The following RGS6 variants were observed in gnomAD, a reference collection of about 807,000 sequenced individuals.
The protein encoded by RGS6 is regulator of G protein signaling 6.
RGS6 carries 30 observed loss-of-function variants against 78.5 expected under a neutral mutation model. The observed-to-expected ratio is 0.38, with a 90% confidence interval of 0.29 to 0.52. RGS6 has a LOEUF of 0.52. Among genes scored for constraint, RGS6 ranks in the 20% least tolerant of loss-of-function variants. The probability of loss-of-function intolerance (pLI) is 0.85; values close to 1 mark genes in which losing one functional copy is unlikely to be tolerated. For missense variants in RGS6, 495 were observed against 609.7 expected (o/e 0.81, Z 1.98); for synonymous variants, 206 against 206.0 (o/e 1.00, Z 0.00).
chr14:71,898,365 G>T, the RGS6 span, among the ~76,000 whole-genome samples: 4 of 152,110 alleles, frequency 2.6e-5, no homozygotes, highest in Non-Finnish European at 5.9e-5. Context: ...ATTGTTTGTT[G>T]GTCCTGGTGT....
intron 2 of RGS6, among the ~76,000 whole-genome samples, chr14:72,272,619 C>T (rs567429574): frequency 6.6e-5 from 10 of 152,170 alleles, no homozygotes; most frequent in African/African-American, 1.4e-4. Context: ...ATATACAGCT[C>T]GGTGTCTGTG....
At chr14:72,187,792 C>T (rs1038803012) in intron 2 of RGS6, among the ~76,000 whole-genome samples, 13 of 152,076 alleles carry the variant, frequency 8.5e-5, no homozygotes, top group Admixed American at 6.6e-4. Flanking sequence ...TCACAGTTTC[C>T]ATATTTGTGA....
the RGS6 span, among the ~76,000 whole-genome samples, chr14:71,924,657 T>C: frequency 1.3e-5 from 2 of 152,366 alleles, no homozygotes; most frequent in South Asian, 4.1e-4. Context: ...TTTTCCTTTC[T>C]ATGTGTAGCT....
chr14:72,625,070 C>T, the RGS6 span, among the ~76,000 whole-genome samples: 3 of 152,010 alleles, frequency 2.0e-5, no homozygotes, highest in African/African-American at 4.8e-5. Context: ...ATTATCTCCT[C>T]AACAAGAGAA....
At chr14:71,922,544 T>C in the RGS6 span, among the ~76,000 whole-genome samples, 2 of 152,352 alleles carry the variant, frequency 1.3e-5, no homozygotes, top group South Asian at 4.1e-4. Context: ...TACATAACCA[T>C]AGTACATTTG....
intron 3 of RGS6, among the ~76,000 whole-genome samples, chr14:72,360,528 A>G (rs1199897523): frequency 1.3e-5 from 2 of 151,526 alleles, no homozygotes; most frequent in African/African-American, 2.4e-5. Context: ...TCTCAAACAA[A>G]CAAACAAAAC....
At chr14:72,566,713 C>A (rs2097713146), downstream of RGS6, among the ~76,000 whole-genome samples, 1 of 149,188 alleles carries the variant, frequency 6.7e-6, no homozygotes, top group African/African-American at 2.5e-5. Flanking sequence ...ACCAGGCTGC[C>A]AGGCAGCACA....
chr14:72,058,280 T>C (rs2093719223), intron 2 of RGS6, among the ~76,000 whole-genome samples: 1 of 152,116 alleles, frequency 6.6e-6, no homozygotes, highest in Admixed American at 6.5e-5. Context: ...TGAGCATACA[T>C]TTTGAGGTAG....
intron 3 of RGS6, among the ~76,000 whole-genome samples, chr14:72,390,245 A>C (rs2089593600): frequency 6.6e-6 from 1 of 152,050 alleles, no homozygotes; most frequent in Non-Finnish European, 1.5e-5. Flanking sequence ...TTACAGATGC[A>C]TGCCACCACG....
chr14:72,270,953 C>T (rs961011874), intron 2 of RGS6, among the ~76,000 whole-genome samples: 1 of 152,122 alleles, frequency 6.6e-6, no homozygotes, highest in African/African-American at 2.4e-5. Flanking sequence ...ATTTATTGAC[C>T]ACCTACTATA....
the RGS6 span, among the ~76,000 whole-genome samples, chr14:71,911,967 T>A: frequency 7.7e-4 from 118 of 152,316 alleles, no homozygotes; most frequent in African/African-American, 2.7e-3. Context: ...CGTCCCATAT[T>A]CACTTTGGGG....
At chr14:72,136,182 C>T (rs1489468343) in intron 2 of RGS6, among the ~76,000 whole-genome samples, 1 of 152,098 alleles carries the variant, frequency 6.6e-6, no homozygotes, top group Non-Finnish European at 1.5e-5. Flanking sequence ...TAAGGAATTA[C>T]CCTGTTCTCT....
chr14:71,959,152 C>T (rs776279944), intron 1 of RGS6, among the ~76,000 whole-genome samples: 6 of 152,152 alleles, frequency 3.9e-5, no homozygotes, highest in Non-Finnish European at 7.3e-5. Flanking sequence ...GTCAAGTTGG[C>T]ATACTCTGCT....
chr14:72,608,956 A>C, the RGS6 span, among the ~76,000 whole-genome samples: 2 of 152,172 alleles, frequency 1.3e-5, no homozygotes, highest in African/African-American at 4.8e-5. Context: ...CCCCAACATG[A>C]AAGGGCTCTA....
chr14:72,578,528 A>G, the RGS6 span, among the ~76,000 whole-genome samples: 1 of 152,230 alleles, frequency 6.6e-6, no homozygotes, highest in Admixed American at 6.5e-5. Flanking sequence ...CTGCTTAAAA[A>G]CATCTCAGTG....
intron 3 of RGS6, among the ~76,000 whole-genome samples, chr14:72,408,052 A>C (rs896324876): frequency 2.6e-5 from 4 of 152,218 alleles, no homozygotes. Flanking sequence ...ATATGCTCCC[A>C]AAAAAGTTGT....
chr14:72,433,573 A>G (rs2094758181), intron 3 of RGS6, among the ~76,000 whole-genome samples: 1 of 152,188 alleles, frequency 6.6e-6, no homozygotes, highest in Non-Finnish European at 1.5e-5. Flanking sequence ...TTTAGGCAAG[A>G]GAGCATCGTA....
chr14:72,079,612 C>A (rs2094732621), intron 2 of RGS6, among the ~76,000 whole-genome samples: 1 of 152,108 alleles, frequency 6.6e-6, no homozygotes. Context: ...ACTGTAGTCA[C>A]CATGGTGTAT....
chr14:72,104,035 C>T (rs184320934), intron 2 of RGS6, among the ~76,000 whole-genome samples: 1 of 152,276 alleles, frequency 6.6e-6, no homozygotes, highest in African/African-American at 2.4e-5. Flanking sequence ...TCTCTCTAGG[C>T]GTTTCCCCCA....
Sources: gnomAD v4.1 joint callset for allele counts (sites outside exome capture counted in the v4.1 genomes callset) on GRCh38, gnomAD v4.1.1 for gene constraint, MANE v1.5 for transcripts, NCBI Gene and HGNC (gene_info 2026-07-23, HGNC 2026-07-21) for gene names.